The following NDUFA13 variants were observed in gnomAD, a reference collection of about 807,000 sequenced individuals.
NDUFA13 encodes the protein NADH dehydrogenase [ubiquinone] 1 alpha subcomplex subunit 13.
A neutral mutation model predicts 17.0 loss-of-function variants in NDUFA13; 16 were observed. The ratio of observed to expected loss-of-function variants is 0.94; its 90% CI spans 0.64 to 1.43. The LOEUF (loss-of-function observed/expected upper bound fraction) is 1.43, where lower values mean the gene tolerates loss of function less well. Ranked by LOEUF, NDUFA13 falls within the 40% of genes most tolerant of loss-of-function variation. NDUFA13 has a pLI of 0.00. For synonymous variants in NDUFA13, 87 were observed against 78.4 expected (o/e 1.11, Z -0.58); for missense variants, 228 against 206.7 (o/e 1.10, Z -0.63).
chr19:19,527,576 G>C (rs2061108145), intron 3 of NDUFA13, 125 bp from the exon 4 acceptor site: 1 of 963,740 alleles, frequency 1.0e-6, no homozygotes, highest in South Asian at 1.4e-5. Flanking sequence ...AGAAAAGCTA[G>C]GAGTTGGCTG....
Position 19,524,053 on chromosome 19 carries a change from C to CGG in NDUFA13, c.95-2129_95-2128insGG, listed in dbSNP as rs1568359247. Among the ~76,000 whole-genome samples, 600 of 88,968 alleles carry CGG rather than the reference C, an allele frequency of 6.7e-3. 4 individuals are homozygous for CGG. The highest frequency in any genetic ancestry group is 0.034 in the African/African-American group (574 of 16,978). The allele number at this position is 88,968 out of a possible 152,430, so 58.4% of individuals were successfully genotyped here. ...AAAATGCTGGGATTACAAGCGTGAG[C>CGG]CGAAAAAATTTGATCCCACCACTGC... On this transcript the variant is annotated intron_variant, in intron 1 of 4. Coordinates refer to ENST00000507754, the MANE Select transcript of NDUFA13 (RefSeq NM_015965.7).
intron 1 of NDUFA13, among the ~76,000 whole-genome samples, chr19:19,522,438 A>C (rs2061081891): frequency 6.9e-6 from 1 of 144,518 alleles, no homozygotes; most frequent in Admixed American, 7.0e-5. Flanking sequence ...TTCTTCTAAG[A>C]GTATTATAGT....
At chr19:19,517,982 A>C (rs1277585473) in intron 1 of NDUFA13, among the ~76,000 whole-genome samples, 1 of 152,056 alleles carries the variant, frequency 6.6e-6, no homozygotes, top group Non-Finnish European at 1.5e-5. Context: ...GGGGCTCTAC[A>C]AAAACAGATT....
chr19:19,516,868 A>G (rs1031584752), intron 1 of NDUFA13, among the ~76,000 whole-genome samples: 2 of 151,952 alleles, frequency 1.3e-5, no homozygotes, highest in Non-Finnish European at 2.9e-5. Context: ...GCTCACCGCA[A>G]CCTCCGCCTC....
At chr19:19,526,510 G>T (rs1009391900) in intron 2 of NDUFA13, 2 of 549,640 alleles carry the variant, frequency 3.6e-6, no homozygotes, top group Admixed American at 5.3e-5. Context: ...TTGAGCCCAG[G>T]AGTTCAAGAC....
chr19:19,517,140 C>T (rs1444128090), intron 1 of NDUFA13, among the ~76,000 whole-genome samples: 2 of 152,028 alleles, frequency 1.3e-5, no homozygotes, highest in Admixed American at 6.6e-5. Flanking sequence ...GGGCTCAGCA[C>T]AGAAAATTGA....
At chr19:19,524,547 C>T (rs968926796) in intron 1 of NDUFA13, among the ~76,000 whole-genome samples, 3 of 152,088 alleles carry the variant, frequency 2.0e-5, no homozygotes, top group African/African-American at 4.8e-5. Context: ...TGGCCGGGCA[C>T]GGTGGCTCAC....
chr19:19,520,506 T>C (rs1382990272), intron 1 of NDUFA13, among the ~76,000 whole-genome samples: 1 of 152,146 alleles, frequency 6.6e-6, no homozygotes. Flanking sequence ...GGTGCACACC[T>C]GTAATCCCAG....
At position 19,527,698 on chromosome 19, in the gene NDUFA13, C is replaced by T. The variant is rs111708629; in HGVS notation, c.246-3C>T. On this transcript the variant is annotated splice_region_variant and splice_polypyrimidine_tract_variant and intron_variant, in intron 3 of 4. Coordinates refer to ENST00000507754, the MANE Select transcript of NDUFA13 (RefSeq NM_015965.7). ...ACCCCCACCATCGGCCCCATCCCCA[C>T]AGGACCTTGCAGATGCTTCGGGAGA... The T allele has an allele frequency of 5.2e-6, 8 of 1,551,820 alleles. No homozygotes were observed. Among genetic ancestry groups the T allele is most frequent in the South Asian group, 4.8e-5 (4 of 84,090 alleles).
chr19:19,526,171 T>G lies in NDUFA13; in HGVS notation c.95-11T>G, dbSNP rs1201578530. ...GCGGGCTGGCCCGCTGAGCAGCGCC[T>G]CTCTTCACAGGCTACAGCATGCTGG... On this transcript the variant is annotated splice_polypyrimidine_tract_variant and intron_variant, in intron 1 of 4. Transcript: ENST00000507754. The G allele has an allele frequency of 1.9e-6, 3 of 1,613,392 alleles. No individual in the cohort carries two copies. Among genetic ancestry groups the G allele is most frequent in the Non-Finnish European group, 2.5e-6 (3 of 1,179,866 alleles).
intron 2 of NDUFA13, 79 bp downstream of exon 2, chr19:19,526,339 G>A: frequency 6.6e-7 from 1 of 1,510,204 alleles, no homozygotes; most frequent in Non-Finnish European, 9.1e-7. Flanking sequence ...GCTGTTGTCT[G>A]TGCTGGCGAG....
intron 1 of NDUFA13, among the ~76,000 whole-genome samples, chr19:19,516,939 C>T (rs1480053821): frequency 6.6e-6 from 1 of 152,094 alleles, no homozygotes; most frequent in Non-Finnish European, 1.5e-5. Flanking sequence ...AGGCATGTGC[C>T]ACAACGCCTG....
chr19:19,519,971 C>CTTTTTT (rs397963977), intron 1 of NDUFA13, among the ~76,000 whole-genome samples: 56 of 120,258 alleles, frequency 4.7e-4, no homozygotes, highest in East Asian at 1.4e-3. Context: ...TTTTTGTTCT[C>CTTTTTT]TTTTTTTTTT....
At chr19:19,525,957 G>A (rs987739390) in intron 1 of NDUFA13, 85 of 1,365,884 alleles carry the variant, frequency 6.2e-5, no homozygotes, top group Non-Finnish European at 7.9e-5. Context: ...TGGACCTGGG[G>A]CCCCCCTAGC....
At position 19,527,142 on chromosome 19, in the gene NDUFA13, C is replaced by T. The variant is rs1334147446; in HGVS notation, c.174-139C>T. The T allele has an allele frequency of 8.5e-6, 8 of 940,108 alleles. 1 individual carries two copies. In the Admixed American group the frequency reaches 1.2e-4, roughly 14 times the overall value. The allele number at this position is 940,108 out of a possible 1,614,324, so 58.2% of individuals were successfully genotyped here. On this transcript the variant is annotated intron_variant, in intron 2 of 4. Coordinates refer to ENST00000507754, the MANE Select transcript of NDUFA13 (RefSeq NM_015965.7). ...CCACAGCCCTTGCCCTTCCCGCGACCCTCGCCCTGCCCCCTGCCTGCCTCC... is the reference window on the plus strand; with the variant it reads ...CCACAGCCCTTGCCCTTCCCGCGACTCTCGCCCTGCCCCCTGCCTGCCTCC...
At chr19:19,519,592 G>A (rs1035370072) in intron 1 of NDUFA13, among the ~76,000 whole-genome samples, 5 of 152,164 alleles carry the variant, frequency 3.3e-5, no homozygotes, top group African/African-American at 1.2e-4. Flanking sequence ...ACATGGTTCC[G>A]GGCCCTGTCC....
intron 1 of NDUFA13, among the ~76,000 whole-genome samples, chr19:19,522,466 G>GGT (rs956625116): frequency 1.0e-4 from 14 of 134,798 alleles, no homozygotes; most frequent in African/African-American, 4.1e-4. Context: ...CTTACGCTTA[G>GGT]GTCTTTGATC....
intron 2 of NDUFA13, 45 bp downstream of exon 2, chr19:19,526,305 G>C (rs1389458401): frequency 6.3e-7 from 1 of 1,598,712 alleles, no homozygotes; most frequent in Non-Finnish European, 8.6e-7. Context: ...CCCCCGGCGA[G>C]TTGTCGGGGT....
At chr19:19,526,050 T>C (rs1433310538) in intron 1 of NDUFA13, 132 bp from the exon 2 acceptor site, 20 of 1,527,728 alleles carry the variant, frequency 1.3e-5, no homozygotes, top group Non-Finnish European at 1.7e-5. Flanking sequence ...GGGGCAGAGG[T>C]GTCACAGTCC....
Sources: allele counts gnomAD v4.1 joint callset (sites outside exome capture counted in the v4.1 genomes callset), GRCh38; gene constraint gnomAD v4.1.1; transcripts MANE v1.5; gene names NCBI Gene and HGNC (gene_info 2026-07-23, HGNC 2026-07-21).